The following ALDH5A1 variants were observed in gnomAD, a reference collection of about 807,000 sequenced individuals.
The protein encoded by ALDH5A1 is succinate-semialdehyde dehydrogenase, mitochondrial.
In ALDH5A1, 33 loss-of-function variants were observed where a neutral mutation model predicts 54.7. The observed-to-expected ratio is 0.60, with a 90% CI of 0.46 to 0.81. The LOEUF (loss-of-function observed/expected upper bound fraction) is 0.81. ALDH5A1 is among the 30% of genes least tolerant of loss of function. The pLI, the probability that ALDH5A1 is intolerant of heterozygous loss-of-function variation, is 0.00. For missense variants in ALDH5A1, 657 were observed against 711.0 expected, an observed-to-expected ratio of 0.92 and a Z score of 0.86; for synonymous variants, 294 against 292.7, an observed-to-expected ratio of 1.00 and a Z score of -0.05.
At chr6:24,508,383 A>T (rs1195767228) in intron 4 of ALDH5A1, among the ~76,000 whole-genome samples, 9 of 52,728 alleles carry the variant, frequency 1.7e-4, no homozygotes, top group Non-Finnish European at 3.4e-4. Context: ...AAAAAAAAAA[A>T]AAAAAGATTA....
intron 8 of ALDH5A1, among the ~76,000 whole-genome samples, chr6:24,531,517 T>G (rs1022183915): frequency 6.6e-6 from 1 of 152,158 alleles, no homozygotes; most frequent in African/African-American, 2.4e-5. Flanking sequence ...AATTTAGAAA[T>G]TGGGGTGCTT....
intron 8 of ALDH5A1, among the ~76,000 whole-genome samples, chr6:24,531,332 G>A (rs1476052388): frequency 3.3e-5 from 5 of 152,120 alleles, no homozygotes; most frequent in East Asian, 1.9e-4. Context: ...GGAAACCAAC[G>A]GAAGGCATTG....
chr6:24,496,108 T>C (rs1174137436), intron 1 of ALDH5A1, among the ~76,000 whole-genome samples: 1 of 152,196 alleles, frequency 6.6e-6, no homozygotes, highest in Non-Finnish European at 1.5e-5. Flanking sequence ...GCTCTCCCTC[T>C]GAAGGAATGC....
rs549994464 is a variant in ALDH5A1 at position 24,534,050 on chromosome 6, T to C, written c.*338T>C. 35 of 312,422 alleles carry C rather than the reference T, an allele frequency of 1.1e-4. No individual in the cohort carries two copies. Among genetic ancestry groups the C allele is most frequent in the African/African-American group, 6.7e-4 (31 of 46,420 alleles). 19.4% of individuals were successfully genotyped at this position (312,422 alleles called of 1,614,324 possible). On this transcript the variant is annotated 3_prime_UTR_variant, in exon 10 of 10. Transcript: ENST00000357578. ...TGGGCCGTCACAAAGGCTTGATCACTGCCTGGGCAGTGGCACAACCATCCC... is the reference window on the plus strand; with the variant it reads ...TGGGCCGTCACAAAGGCTTGATCACCGCCTGGGCAGTGGCACAACCATCCC...
Position 24,518,832 on chromosome 6 carries a change from C to A in ALDH5A1, c.871-1569C>A, listed in dbSNP as rs1375390912. Reference sequence around the variant, plus strand: ...AACACTTGGGGGGCAATCCTAGAGCCACCTTGGGCTTGCGAACACCGTCTG... The same window carrying A: ...AACACTTGGGGGGCAATCCTAGAGCAACCTTGGGCTTGCGAACACCGTCTG... On this transcript the variant is annotated intron_variant, in intron 5 of 9. Coordinates refer to ENST00000357578, the MANE Select transcript of ALDH5A1 (RefSeq NM_001080.3). This position sits in a 1 kb window ranked among gnomAD's most constrained non-coding sequence, Gnocchi z 4.2. 6.6e-6 allele frequency among the ~76,000 whole-genome samples: 1 copy of A among 152,146 alleles called. No homozygotes were observed. The highest frequency in any genetic ancestry group is 1.5e-5 in the Non-Finnish European group (1 of 68,022).
intron 4 of ALDH5A1, among the ~76,000 whole-genome samples, chr6:24,512,077 G>A (rs1759471303): frequency 6.6e-6 from 1 of 152,126 alleles, no homozygotes; most frequent in Non-Finnish European, 1.5e-5. Flanking sequence ...CCTGAGAGCC[G>A]AGCTGTAGTG....
Position 24,518,148 on chromosome 6 carries a change from A to G in ALDH5A1, c.871-2253A>G, listed in dbSNP as rs1038199549. Among the ~76,000 whole-genome samples, 21 of 152,114 alleles carry G rather than the reference A, an allele frequency of 1.4e-4. No individual in the cohort carries two copies. The highest frequency in any genetic ancestry group is 4.8e-4 in the African/African-American group (20 of 41,428). ...CTCTCCTTCACTAGAGAAGAGAGAG[A>G]GCTGTTTTGCTTTCTGTTTCTTTCT... On this transcript the variant is annotated intron_variant, in intron 5 of 9. Coordinates refer to ENST00000357578, the MANE Select transcript of ALDH5A1 (RefSeq NM_001080.3). The surrounding 1 kb of genome is among the most constrained non-coding windows in gnomAD (Gnocchi z 4.2).
chr6:24,529,458 C>T (rs542318900), intron 8 of ALDH5A1, among the ~76,000 whole-genome samples: 6 of 152,008 alleles, frequency 3.9e-5, no homozygotes, highest in Non-Finnish European at 7.4e-5. Context: ...TGAGTCACCA[C>T]GCCCGGCCTC....
intron 8 of ALDH5A1, chr6:24,531,902 G>A (rs1759943943): frequency 3.4e-6 from 2 of 594,182 alleles, no homozygotes; most frequent in East Asian, 2.9e-5. Flanking sequence ...TGTTCTCTTA[G>A]GAGAGATGAA....
intron 1 of ALDH5A1, among the ~76,000 whole-genome samples, chr6:24,501,419 T>C (rs991565594): frequency 6.6e-6 from 1 of 152,174 alleles, no homozygotes; most frequent in South Asian, 2.1e-4. Context: ...AAGTATAGTT[T>C]GGAGAAGCAA....
At chr6:24,529,115 T>A (rs928275303) in intron 8 of ALDH5A1, among the ~76,000 whole-genome samples, 2 of 152,192 alleles carry the variant, frequency 1.3e-5, no homozygotes, top group African/African-American at 4.8e-5. Flanking sequence ...TGGATAAAAT[T>A]TTAGGTTCAA....
intron 4 of ALDH5A1, among the ~76,000 whole-genome samples, chr6:24,510,346 G>C (rs1759437689): frequency 6.6e-6 from 1 of 152,092 alleles, no homozygotes; most frequent in Non-Finnish European, 1.5e-5. Context: ...TTTAAATCTA[G>C]TGTTTCTTTG....
At chr6:24,521,974 C>G (rs1759693085) in intron 6 of ALDH5A1, among the ~76,000 whole-genome samples, 1 of 148,614 alleles carries the variant, frequency 6.7e-6, no homozygotes, top group Admixed American at 6.8e-5. Context: ...TCAAGAGATT[C>G]TCCTGCCTCA....
intron 1 of ALDH5A1, among the ~76,000 whole-genome samples, chr6:24,497,151 A>G (rs1185445873): frequency 1.3e-5 from 2 of 152,206 alleles, no homozygotes; most frequent in Non-Finnish European, 2.9e-5. Flanking sequence ...GAAAGCTTCC[A>G]CAGCGCGGAA....
intron 4 of ALDH5A1, among the ~76,000 whole-genome samples, chr6:24,507,849 T>C (rs968738667): frequency 2.0e-5 from 3 of 152,298 alleles, no homozygotes; most frequent in East Asian, 1.9e-4. Flanking sequence ...TTAAGTTCTT[T>C]AGTGGTGATT....
Position 24,533,690 on chromosome 6 carries a change from A to G in ALDH5A1, c.1586A>G (p.Tyr529Cys). ...YGIDEYLELK[Y>C]VCYGGL is the part of the protein sequence containing the mutation. ...ATTGATGAGTATCTGGAACTCAAGT[A>G]TGTGTGTTACGGGGGCTTGTAGGAT... is the stretch of plus-strand genomic sequence containing the variant. The change falls in exon 10 of 10, where the codon TAT (tyrosine) becomes TGT (cysteine). Residue 529 changes from tyrosine to cysteine, a missense_variant. Tyr to Cys is a radical substitution (Grantham distance 194, BLOSUM62 -2). Coordinates refer to ENST00000357578, the MANE Select transcript of ALDH5A1 (RefSeq NM_001080.3). 6.2e-7 allele frequency: 1 copy of G among 1,614,130 alleles called. No individual in the cohort carries two copies. Among genetic ancestry groups the G allele is most frequent in the Non-Finnish European group, 8.5e-7 (1 of 1,180,018 alleles).
chr6:24,529,636 A>G (rs1354141599), intron 8 of ALDH5A1, among the ~76,000 whole-genome samples: 2 of 140,632 alleles, frequency 1.4e-5, no homozygotes, highest in African/African-American at 5.2e-5. Flanking sequence ...TGAGGTCCTA[A>G]TATCTTTAAT....
chr6:24,524,531 C>T (rs927853237), intron 7 of ALDH5A1, among the ~76,000 whole-genome samples: 1 of 152,186 alleles, frequency 6.6e-6, no homozygotes, highest in Admixed American at 6.5e-5. Context: ...CCATGGCTGC[C>T]TCCACCCCGT....
At chr6:24,513,976 C>T (rs75391371) in intron 4 of ALDH5A1, among the ~76,000 whole-genome samples, 132 of 152,316 alleles carry the variant, frequency 8.7e-4, no homozygotes, top group African/African-American at 3.1e-3. Flanking sequence ...GGTTTGCTGT[C>T]TAATTGCTGT....
Sources: allele counts gnomAD v4.1 joint callset (sites outside exome capture counted in the v4.1 genomes callset), GRCh38; gene constraint gnomAD v4.1.1; non-coding constraint Gnocchi (gnomAD v3.1); transcripts MANE v1.5; gene names NCBI Gene and HGNC (gene_info 2026-07-23, HGNC 2026-07-21).